KHDRBS2: variants seen among roughly 807,000 people sequenced by gnomAD.
The protein encoded by KHDRBS2 is KH RNA binding domain containing, signal transduction associated 2, also known as KH domain-containing, RNA-binding, signal transduction-associated protein 2.
KHDRBS2 carries 26 observed loss-of-function variants against 44.3 expected under a neutral mutation model. The observed-to-expected ratio is 0.59, with a 90% CI of 0.43 to 0.81. KHDRBS2 has a LOEUF of 0.81. KHDRBS2 is among the 40% of genes least tolerant of loss of function. KHDRBS2 has a pLI of 0.00. For synonymous variants in KHDRBS2, 194 were observed against 151.1 expected (o/e 1.28, Z -2.08); for missense variants, 476 against 433.1 (o/e 1.10, Z -0.88).
At chr6:62,122,044 A>G (rs1204850109) in intron 2 of KHDRBS2, among the ~76,000 whole-genome samples, 2 of 151,972 alleles carry the variant, frequency 1.3e-5, no homozygotes, top group Non-Finnish European at 2.9e-5. Flanking sequence ...ACTCCAGCCC[A>G]TTTATCTAGT....
At chr6:61,766,840 A>T (rs983372880) in intron 6 of KHDRBS2, among the ~76,000 whole-genome samples, 1 of 152,040 alleles carries the variant, frequency 6.6e-6, no homozygotes, top group African/African-American at 2.4e-5. Context: ...GAATGATTTA[A>T]TTTTATTTGA....
At chr6:61,557,329 A>G in the KHDRBS2 span, among the ~76,000 whole-genome samples, 1 of 152,216 alleles carries the variant, frequency 6.6e-6, no homozygotes, top group Non-Finnish European at 1.5e-5. Flanking sequence ...TTTCTAGTAA[A>G]TAAAAACAAT....
intron 6 of KHDRBS2, among the ~76,000 whole-genome samples, chr6:61,847,175 C>A (rs557689760): frequency 6.6e-6 from 1 of 151,936 alleles, no homozygotes; most frequent in Non-Finnish European, 1.5e-5. Context: ...AGGGTAAGGA[C>A]AAATACAATG....
rs532699021 is a variant in KHDRBS2, at chr6:62,054,821, T to TA, written c.220-6828dup. On this transcript the variant is annotated intron_variant, in intron 2 of 8. Transcript: ENST00000281156. The stretch of plus-strand genomic sequence containing the variant: ...TTCAGACTTCTGAACTCCACAACTG[T>TA]AAAATAATGAATTTGATTTGTTTTA... Among the ~76,000 whole-genome samples, 322 of 152,138 alleles carry TA rather than the reference T, an allele frequency of 2.1e-3. 1 individual carries two copies. The highest frequency in any genetic ancestry group is 7.3e-3 in the African/African-American group (303 of 41,568).
intron 4 of KHDRBS2, among the ~76,000 whole-genome samples, chr6:61,945,101 A>AT (rs1206251740): frequency 0.08 from 4,501 of 56,162 alleles, 530 homozygotes; most frequent in South Asian, 0.11. Context: ...AAAAAAAAAA[A>AT]AAAAAAAAAA....
chr6:62,223,709 C>T (rs1831282746), intron 1 of KHDRBS2, among the ~76,000 whole-genome samples: 1 of 152,136 alleles, frequency 6.6e-6, no homozygotes, highest in African/African-American at 2.4e-5. Context: ...TAAATCATCT[C>T]TCCCAAGTTC....
rs1369702952 is a variant in KHDRBS2, at chr6:62,019,482, T to C, written c.336+28396A>G. ...CATAGAATGAACTGGGAAATAATTC[T>C]TTCCTCTTTAATATTCTGGTATATC... On this transcript the variant is annotated intron_variant, in intron 3 of 8. Transcript: ENST00000281156. 2.0e-5 allele frequency among the ~76,000 whole-genome samples: 3 copies of C among 152,246 alleles called. No individual in the cohort carries two copies. The South Asian group carries it at 6.2e-4, about 32-fold the overall frequency.
intron 1 of KHDRBS2, among the ~76,000 whole-genome samples, chr6:62,194,054 AC>A (rs1825129188): frequency 6.6e-6 from 1 of 152,050 alleles, no homozygotes; most frequent in Admixed American, 6.6e-5. Context: ...TATCATTTGC[AC>A]CCACAAAAGT....
rs547631650 is a variant in KHDRBS2, at chr6:62,054,897, A to G, written c.220-6903T>C. On this transcript the variant is annotated intron_variant, in intron 2 of 8. Coordinates refer to ENST00000281156, the MANE Select transcript of KHDRBS2 (RefSeq NM_152688.4). Reference sequence around the variant, plus strand: ...ATTGTTATAGAAGCGATAGGAAACTAAAATACTAAGGAAAGAAGGAGCTAC... The same window carrying G: ...ATTGTTATAGAAGCGATAGGAAACTGAAATACTAAGGAAAGAAGGAGCTAC... Among the ~76,000 whole-genome samples, 4 of 152,188 alleles carry G rather than the reference A, an allele frequency of 2.6e-5. No homozygotes were observed. In the South Asian group the frequency reaches 8.3e-4, roughly 31 times the overall value.
intron 1 of KHDRBS2, among the ~76,000 whole-genome samples, chr6:62,242,095 T>A (rs176612): frequency 0.17 from 26,229 of 152,118 alleles, 2,537 homozygotes; most frequent in African/African-American, 0.26. Context: ...AAAACAGGTA[T>A]TTAGCATCAT....
intron 1 of KHDRBS2, among the ~76,000 whole-genome samples, chr6:62,183,208 C>A (rs1040512271): frequency 6.6e-6 from 1 of 151,658 alleles, no homozygotes; most frequent in African/African-American, 2.4e-5. Context: ...ATTGTTGAGG[C>A]TCATATTTTT....
At chr6:61,699,446 C>T (rs1049431264) in intron 7 of KHDRBS2, among the ~76,000 whole-genome samples, 11 of 151,936 alleles carry the variant, frequency 7.2e-5, no homozygotes, top group African/African-American at 2.7e-4. Flanking sequence ...TAAGTTACCT[C>T]AAGGTCAGTA....
At chr6:62,050,046 C>T (rs566015894) in intron 2 of KHDRBS2, among the ~76,000 whole-genome samples, 49 of 152,066 alleles carry the variant, frequency 3.2e-4, no homozygotes, top group Non-Finnish European at 5.7e-4. Flanking sequence ...AACCCAAATG[C>T]CCATCAATAA....
chr6:62,033,407 G>A (rs1784700033), intron 3 of KHDRBS2, among the ~76,000 whole-genome samples: 2 of 151,718 alleles, frequency 1.3e-5, no homozygotes, highest in African/African-American at 4.8e-5. Flanking sequence ...CTACCTGAAG[G>A]CATTTAATAA....
At position 61,825,621 on chromosome 6, in the gene KHDRBS2, A is replaced by G. The variant is rs189905313; in HGVS notation, c.810+69014T>C. Among the ~76,000 whole-genome samples, 63 of 152,304 alleles carry G rather than the reference A, an allele frequency of 4.1e-4. No homozygotes were observed. The East Asian group carries it at 5.6e-3, about 14-fold the overall frequency. Reference sequence around the variant, plus strand: ...ATCATTCCTTTTGATCTGTTGACATAGTTACCGTTTAAAATTTATATGTGC... The same window carrying G: ...ATCATTCCTTTTGATCTGTTGACATGGTTACCGTTTAAAATTTATATGTGC... On this transcript the variant is annotated intron_variant, in intron 6 of 8. Transcript: ENST00000281156.
intron 3 of KHDRBS2, among the ~76,000 whole-genome samples, chr6:62,007,358 T>C (rs1779435574): frequency 6.6e-6 from 1 of 152,054 alleles, no homozygotes; most frequent in Non-Finnish European, 1.5e-5. Flanking sequence ...CCAAAGTGGC[T>C]ATGAGAGATT....
the KHDRBS2 span, among the ~76,000 whole-genome samples, chr6:61,595,403 T>A: frequency 6.6e-6 from 1 of 152,120 alleles, no homozygotes; most frequent in Non-Finnish European, 1.5e-5. Flanking sequence ...TCCCTAACTT[T>A]CTGTATCCAT....
intron 7 of KHDRBS2, among the ~76,000 whole-genome samples, chr6:61,732,412 ATT>A (rs1026102546): frequency 1.7e-4 from 26 of 152,230 alleles, no homozygotes; most frequent in South Asian, 1.4e-3. Context: ...TAAAAATAAC[ATT>A]TAGTTAAATA....
intron 1 of KHDRBS2, 47 bp from the exon 2 acceptor site, chr6:62,177,359 T>C: frequency 7.0e-7 from 1 of 1,433,008 alleles, no homozygotes; most frequent in Non-Finnish European, 9.6e-7. Flanking sequence ...AGGAACAATG[T>C]TATCATAAAT....
Sources: gnomAD v4.1 joint callset for allele counts (sites outside exome capture counted in the v4.1 genomes callset) on GRCh38, gnomAD v4.1.1 for gene constraint, MANE v1.5 for transcripts, NCBI Gene and HGNC (gene_info 2026-07-23, HGNC 2026-07-21) for gene names.